Variants in LARS1 observed in about 807,000 individuals in gnomAD.
LARS1 encodes leucyl-tRNA synthetase 1, also known as leucine--tRNA ligase, cytoplasmic.
A neutral mutation model predicts 162.8 loss-of-function variants in LARS1; 100 were observed. That is an observed-to-expected ratio of 0.61 (90% CI 0.52 to 0.73). LARS1 has a LOEUF of 0.73. Ranked by LOEUF, LARS1 falls within the 30% of genes least tolerant of loss-of-function variation. LARS1 has a pLI of 0.00. For synonymous variants in LARS1, 457 were observed against 462.8 expected (o/e 0.99, Z 0.16); for missense variants, 1,258 against 1,408.9 (o/e 0.89, Z 1.71).
chr5:146,181,761 A>G (rs940202374), intron 1 of LARS1, among the ~76,000 whole-genome samples: 3 of 149,056 alleles, frequency 2.0e-5, no homozygotes, highest in East Asian at 4.0e-4. Context: ...ACCTGACACA[A>G]TATTTTACAA....
intron 20 of LARS1, among the ~76,000 whole-genome samples, chr5:146,141,187 A>G (rs549602924): frequency 2.6e-5 from 4 of 152,288 alleles, no homozygotes; most frequent in South Asian, 2.1e-4. Context: ...TGTGGAGCCA[A>G]TCTCTCTGGG....
At chr5:146,130,313 G>GC (rs910746454) in intron 24 of LARS1, 155 bp from the exon 25 acceptor site, 5 of 728,174 alleles carry the variant, frequency 6.9e-6, no homozygotes, top group Non-Finnish European at 1.1e-5. Context: ...TTAAGAATCT[G>GC]CAAGTATTTA....
At position 146,171,932 on chromosome 5, in the gene LARS1, T is replaced by C. The variant is rs2126583331; in HGVS notation, c.272A>G (p.His91Arg). The change falls in exon 4 of 32, where the codon CAC (histidine) becomes CGC (arginine). Residue 91 changes from histidine (H) to arginine (R), a missense_variant. Transcript: ENST00000394434. The stretch of plus-strand genomic sequence containing the variant: ...TACCTTAATAGGCATTCCAGTACAG[T>C]GCAGGCCAAAGGGAAACAGACAACA... The part of the protein sequence containing the change: ...GKCCLFPFGL[H>R]CTGMPIKACA... The C allele has an allele frequency of 6.2e-7, 1 of 1,613,886 alleles. No homozygotes were observed. The highest frequency in any genetic ancestry group is 1.1e-5 in the South Asian group (1 of 91,080).
chr5:146,175,381 C>T (rs1400455400), intron 2 of LARS1, among the ~76,000 whole-genome samples: 1 of 147,734 alleles, frequency 6.8e-6, no homozygotes, highest in African/African-American at 2.5e-5. Flanking sequence ...CTATTAAAAA[C>T]AAAAATTAAA....
At chr5:146,116,260 G>A (rs1193238184) in intron 31 of LARS1, among the ~76,000 whole-genome samples, 1 of 152,202 alleles carries the variant, frequency 6.6e-6, no homozygotes, top group Non-Finnish European at 1.5e-5. Flanking sequence ...GTACACATCA[G>A]TGGTACCAAA....
chr5:146,149,372 T>C (rs954647768), intron 15 of LARS1, among the ~76,000 whole-genome samples: 7 of 152,192 alleles, frequency 4.6e-5, no homozygotes, highest in Non-Finnish European at 1.0e-4. Flanking sequence ...AAATGGCCAC[T>C]GCCAGAAATA....
intron 23 of LARS1, chr5:146,131,375 C>G (rs1752270951): frequency 4.0e-6 from 1 of 253,040 alleles, no homozygotes; most frequent in Non-Finnish European, 7.4e-6. Flanking sequence ...CTGCTTAGGG[C>G]TCCTGTTTAT....
chr5:146,131,158 C>G, intron 23 of LARS1, 49 bp from the exon 24 acceptor site: 1 of 885,918 alleles, frequency 1.1e-6, no homozygotes, highest in South Asian at 1.8e-5. Flanking sequence ...GGCACTTATA[C>G]ATAGCTATAA....
intron 18 of LARS1, 64 bp downstream of exon 18, chr5:146,144,203 A>AAAATGTATATT: frequency 1.6e-6 from 2 of 1,244,032 alleles, no homozygotes. Context: ...GGGAAAGGTA[A>AAAATGTATATT]AAATGTATAT....
At chr5:146,142,681 A>G (rs928652250) in intron 20 of LARS1, 191 bp downstream of exon 20, 31 of 529,028 alleles carry the variant, frequency 5.9e-5, no homozygotes, top group Non-Finnish European at 9.7e-5. Flanking sequence ...TGCCTGGGGT[A>G]GGTATGTGGA....
In LARS1 at chr5:146,126,435, C is replaced by T. The variant is rs769138030; in HGVS notation, c.2991G>A (p.Lys997=). ...KKVMPFVAMI[K]ENLEKMGPRI... ...CAGCTGCATAAGGTCCACAGCTTACCTTAATCATGGCAACAAATGGCATGA... is the reference window on the plus strand; with the variant it reads ...CAGCTGCATAAGGTCCACAGCTTACTTTAATCATGGCAACAAATGGCATGA... The change falls in exon 28 of 32, where the codon AAG becomes AAA. Residue 997 remains lysine, a splice_region_variant and synonymous_variant. Transcript: ENST00000394434. 9 of 1,598,046 alleles carry T rather than the reference C, an allele frequency of 5.6e-6. No homozygotes were observed. The East Asian group carries it at 2.0e-4, about 36-fold the overall frequency.
intron 21 of LARS1, chr5:146,137,803 T>C (rs1262687554): frequency 1.9e-5 from 6 of 312,638 alleles, no homozygotes; most frequent in Non-Finnish European, 3.8e-5. Flanking sequence ...CTATGAGCAA[T>C]GTCTCCAGAA....
At position 146,164,392 on chromosome 5, in the gene LARS1, A is replaced by G; in HGVS notation, c.512T>C (p.Ile171Thr). 6.2e-7 allele frequency: 1 copy of G among 1,614,000 alleles called. No individual in the cohort carries two copies. The highest frequency in any genetic ancestry group is 8.5e-7 in the Non-Finnish European group (1 of 1,179,884). Reference protein sequence around the residue: ...MKSLGLSDEEIVKFSEAEHWL... With the variant: ...MKSLGLSDEETVKFSEAEHWL... ...ATGTTCTGCTTCAGAAAATTTTACT[A>G]TCTCTTCATCAGACAGGCCAAGGGA... The change falls in exon 6 of 32, where the codon ATA becomes ACA. Residue 171 changes from isoleucine (I) to threonine (T), a missense_variant. Ile to Thr is a moderately conservative substitution (Grantham distance 89). Transcript: ENST00000394434.
At chr5:146,114,374 C>T in intron 31 of LARS1, 63 bp from the exon 32 acceptor site, 1 of 1,327,802 alleles carries the variant, frequency 7.5e-7, no homozygotes, top group Non-Finnish European at 1.1e-6. Context: ...CTGGAGCAGT[C>T]TGAGAACTCA....
chr5:146,163,144 T>C (rs1227660889), intron 6 of LARS1, among the ~76,000 whole-genome samples: 2 of 152,206 alleles, frequency 1.3e-5, no homozygotes, highest in African/African-American at 4.8e-5. Context: ...AAATGGCTTC[T>C]TTCCTTAAAC....
Position 146,120,377 on chromosome 5 carries a change from TTCC to T in LARS1, c.3316_3318del (p.Gly1106del). On this transcript the variant is annotated inframe_deletion, in exon 31 of 32. Transcript: ENST00000394434. ...GTTTTGGGGAACAACTTACCTTTAATTCCTCGATTCATTTTCATTAAACGCCTG... is the reference window on the plus strand; with the variant it reads ...GTTTTGGGGAACAACTTACCTTTAATTCGATTCATTTTCATTAAACGCCTG... The T allele has an allele frequency of 6.2e-7, 1 of 1,612,998 alleles. No individual in the cohort carries two copies.
chr5:146,126,054 A>C (rs1270607697), intron 28 of LARS1, among the ~76,000 whole-genome samples: 2 of 152,054 alleles, frequency 1.3e-5, no homozygotes, highest in Non-Finnish European at 2.9e-5. Context: ...TCTAACCACT[A>C]TAACCAATGT....
At chr5:146,118,737 G>C (rs1428105850) in intron 31 of LARS1, among the ~76,000 whole-genome samples, 1 of 152,206 alleles carries the variant, frequency 6.6e-6, no homozygotes, top group Admixed American at 6.5e-5. Context: ...TATTTAATGG[G>C]TATAGGGTTT....
At chr5:146,178,274 T>C (rs1469566171) in intron 1 of LARS1, among the ~76,000 whole-genome samples, 1 of 152,154 alleles carries the variant, frequency 6.6e-6, no homozygotes, top group African/African-American at 2.4e-5. Flanking sequence ...AAGATACTGA[T>C]AGAGAACTTC....
Sources: allele counts gnomAD v4.1 joint callset (sites outside exome capture counted in the v4.1 genomes callset), GRCh38; gene constraint gnomAD v4.1.1; transcripts MANE v1.5; gene names NCBI Gene and HGNC (gene_info 2026-07-23, HGNC 2026-07-21).